ATP8A2: variants seen among roughly 807,000 people sequenced by gnomAD.
The protein encoded by ATP8A2 is ATPase phospholipid transporting 8A2.
A neutral mutation model predicts 165.6 loss-of-function variants in ATP8A2; 100 were observed. The ratio of observed to expected loss-of-function variants is 0.60; its 90% CI spans 0.51 to 0.71. The LOEUF is 0.71. ATP8A2 is among the 30% of genes least tolerant of loss of function. ATP8A2 has a pLI of 0.00. For missense variants in ATP8A2, 1,227 were observed against 1,479.5 expected, an observed-to-expected ratio of 0.83 and a Z score of 2.80; for synonymous variants, 543 against 548.8, an observed-to-expected ratio of 0.99 and a Z score of 0.15.
chr13:25,984,610 AC>A (rs1297458394), intron 35 of ATP8A2, among the ~76,000 whole-genome samples: 12 of 140,142 alleles, frequency 8.6e-5, no homozygotes, highest in South Asian at 4.5e-4. Flanking sequence ...AAAAAAAAAA[AC>A]AAACAAAAAC....
At chr13:25,526,487 CT>C (rs2037845264) in intron 2 of ATP8A2, among the ~76,000 whole-genome samples, 1 of 152,174 alleles carries the variant, frequency 6.6e-6, no homozygotes. Context: ...TGTTGAATTT[CT>C]TTCTTTTCCC....
intron 24 of ATP8A2, among the ~76,000 whole-genome samples, chr13:25,591,603 T>C (rs1273768098): frequency 1.4e-5 from 2 of 144,452 alleles, no homozygotes; most frequent in East Asian, 3.9e-4. Context: ...TTTTTTTTTT[T>C]GAGACGAAGT....
chr13:25,629,027 A>G (rs1179254064), intron 24 of ATP8A2, among the ~76,000 whole-genome samples: 3 of 152,148 alleles, frequency 2.0e-5, no homozygotes, highest in African/African-American at 7.2e-5. Context: ...GTCACCTATG[A>G]GACTAATAGG....
intron 25 of ATP8A2, among the ~76,000 whole-genome samples, chr13:25,739,920 A>G (rs1014512503): frequency 6.6e-6 from 1 of 152,218 alleles, no homozygotes; most frequent in African/African-American, 2.4e-5. Context: ...ATGTGCACCA[A>G]AATGCCAAAG....
intron 36 of ATP8A2, among the ~76,000 whole-genome samples, chr13:26,012,886 A>G (rs1295342455): frequency 1.3e-5 from 2 of 152,184 alleles, no homozygotes; most frequent in South Asian, 4.1e-4. Flanking sequence ...CAGCCTCCCA[A>G]GAGGAGTTTT....
intron 25 of ATP8A2, among the ~76,000 whole-genome samples, chr13:25,767,056 A>C (rs553217798): frequency 1.3e-5 from 2 of 152,298 alleles, no homozygotes; most frequent in East Asian, 3.9e-4. Flanking sequence ...CAGGCCTTTA[A>C]CTGTGGCTCC....
intron 2 of ATP8A2, among the ~76,000 whole-genome samples, chr13:25,489,593 C>G (rs550905084): frequency 7.9e-5 from 12 of 152,318 alleles, no homozygotes; most frequent in Admixed American, 5.9e-4. Flanking sequence ...CTCCCCAGCA[C>G]GACGCACAGT....
chr13:25,916,478 C>G (rs560507936), intron 33 of ATP8A2, among the ~76,000 whole-genome samples: 58 of 152,214 alleles, frequency 3.8e-4, no homozygotes, highest in Non-Finnish European at 7.2e-4. Flanking sequence ...AGGTTGCTGT[C>G]TTGCAGGCGA....
At chr13:25,483,263 G>A (rs943904445) in intron 2 of ATP8A2, among the ~76,000 whole-genome samples, 7 of 152,192 alleles carry the variant, frequency 4.6e-5, no homozygotes, top group South Asian at 4.1e-4. Flanking sequence ...TGTTAGTGAC[G>A]GAGAAGGTGT....
chr13:25,491,274 A>G (rs750723201), intron 2 of ATP8A2, among the ~76,000 whole-genome samples: 3 of 152,144 alleles, frequency 2.0e-5, no homozygotes, highest in African/African-American at 4.8e-5. Flanking sequence ...TGAACAGTAC[A>G]TGTGCATTTT....
chr13:25,595,300 T>A (rs2040207316), intron 24 of ATP8A2, among the ~76,000 whole-genome samples: 1 of 152,170 alleles, frequency 6.6e-6, no homozygotes, highest in African/African-American at 2.4e-5. Flanking sequence ...AAAGGTTTTA[T>A]GAAATAAGTA....
chr13:26,025,651 C>T lies in ATP8A2; in HGVS notation c.*5666C>T, dbSNP rs1271519255. The T allele has an allele frequency of 2.6e-5, 4 of 152,184 alleles. No individual in the cohort carries two copies. Among genetic ancestry groups the T allele is most frequent in the Admixed American group, 6.6e-5 (1 of 15,266 alleles). 9.4% of individuals were successfully genotyped at this position (152,184 alleles called of 1,614,324 possible). A position where few individuals can be genotyped will look rare whatever the true frequency, so the allele number is the denominator to read the frequency against. ...CTAGAAGTGTTACCGTTTTCACGTCCTATTAATGTCCTCTGGTTGTTAAAT... is the reference window on the plus strand; with the variant it reads ...CTAGAAGTGTTACCGTTTTCACGTCTTATTAATGTCCTCTGGTTGTTAAAT... On this transcript the variant is annotated 3_prime_UTR_variant, in exon 37 of 37. Coordinates refer to ENST00000381655, the MANE Select transcript of ATP8A2 (RefSeq NM_016529.6).
Position 25,675,321 on chromosome 13 carries a change from T to G in ATP8A2, c.2212-23852T>G, listed in dbSNP as rs544483208. On this transcript the variant is annotated intron_variant, in intron 24 of 36. Coordinates refer to ENST00000381655, the MANE Select transcript of ATP8A2 (RefSeq NM_016529.6). Reference sequence around the variant, plus strand: ...TCAGCAGTTGTCAATCTTTAAGTGCTTAAAAATGTCTAGCATTCTTCCTTT... The same window carrying G: ...TCAGCAGTTGTCAATCTTTAAGTGCGTAAAAATGTCTAGCATTCTTCCTTT... Among the ~76,000 whole-genome samples, 12 of 152,354 alleles carry G rather than the reference T, an allele frequency of 7.9e-5. No homozygotes were observed. In the South Asian group the frequency reaches 1.0e-3, roughly 13 times the overall value.
intron 27 of ATP8A2, among the ~76,000 whole-genome samples, chr13:25,827,884 A>T (rs1288116070): frequency 6.6e-6 from 1 of 152,242 alleles, no homozygotes; most frequent in Non-Finnish European, 1.5e-5. Context: ...GAACATGTGC[A>T]TATTATCTCT....
Position 26,023,171 on chromosome 13 carries a change from G to A in ATP8A2, c.*3186G>A, listed in dbSNP as rs7323046. On this transcript the variant is annotated 3_prime_UTR_variant, in exon 37 of 37. Coordinates refer to ENST00000381655, the MANE Select transcript of ATP8A2 (RefSeq NM_016529.6). The stretch of plus-strand genomic sequence containing the variant: ...GAGCTGATGTGTCTGTCCTGCCTCA[G>A]TGCAGAATATTCCAGGCTTCTTGAC... The A allele has an allele frequency of 0.77, 117,741 of 152,264 alleles. 46,063 individuals carry two copies. The highest frequency in any genetic ancestry group is 0.9 in the African/African-American group (37,521 of 41,542). The allele number at this position is 152,264 out of a possible 1,614,324, so 9.4% of individuals were successfully genotyped here.
chr13:25,580,042 A>C, intron 22 of ATP8A2, 95 bp downstream of exon 22: 3 of 1,393,778 alleles, frequency 2.2e-6, no homozygotes, highest in Non-Finnish European at 2.9e-6. Context: ...CTATGTAGGG[A>C]TGTTCTCTTT....
intron 3 of ATP8A2, 124 bp downstream of exon 3, chr13:25,530,222 C>A: frequency 1.5e-6 from 1 of 656,342 alleles, no homozygotes; most frequent in South Asian, 1.9e-5. Context: ...CTCCTCTAGT[C>A]ATTGTTTGAT....
At chr13:25,863,084 T>C (rs1278666973) in intron 33 of ATP8A2, among the ~76,000 whole-genome samples, 2 of 152,110 alleles carry the variant, frequency 1.3e-5, no homozygotes, top group African/African-American at 4.8e-5. Context: ...ACCTCCTCAG[T>C]TTACCAAGGA....
chr13:25,697,081 T>C (rs2042849373), intron 24 of ATP8A2, among the ~76,000 whole-genome samples: 1 of 152,224 alleles, frequency 6.6e-6, no homozygotes, highest in African/African-American at 2.4e-5. Flanking sequence ...ATCGACTTGC[T>C]TGACTCAGGG....
Sources: allele counts gnomAD v4.1 joint callset (sites outside exome capture counted in the v4.1 genomes callset), GRCh38; gene constraint gnomAD v4.1.1; transcripts MANE v1.5; gene names NCBI Gene and HGNC (gene_info 2026-07-23, HGNC 2026-07-21).